ZNF750: variants seen among roughly 807,000 people sequenced by gnomAD.
ZNF750 encodes the protein zinc finger protein 750, also known as protein ZNF750.
In ZNF750, 10 loss-of-function variants were observed where a neutral mutation model predicts 31.6. That is an observed-to-expected ratio of 0.32 (90% CI 0.19 to 0.54). The LOEUF is 0.54. Among genes scored for constraint, ZNF750 ranks in the 20% least tolerant of loss-of-function variants. ZNF750 has a pLI of 0.95. For missense variants in ZNF750, 914 were observed against 934.9 expected, an observed-to-expected ratio of 0.98 and a Z score of 0.29; for synonymous variants, 400 against 404.9, an observed-to-expected ratio of 0.99 and a Z score of 0.15.
chr17:82,832,260 G>C lies in ZNF750; in HGVS notation c.195C>G (p.Cys65Trp), dbSNP rs1171865578. 6.2e-7 allele frequency: 1 copy of C among 1,614,260 alleles called. No homozygotes were observed. Among genetic ancestry groups the C allele is most frequent in the Non-Finnish European group, 8.5e-7 (1 of 1,180,044 alleles). ...TGGGGTCTAGTGAGTTAGATTTAGG[G>C]CACTTGGGAACTCGATCCTGCTCTG... ...LVSEQDRVPK[C>W]PKSNSLDPKQ... is the part of the protein sequence containing the mutation. Residue 65 changes from cysteine (C) to tryptophan (W), a missense_variant, in exon 2 of 3, where the codon TGC becomes TGG. Cys to Trp is a radical substitution (Grantham distance 215). Around this residue, in one of 2 missense-constraint regions of ZNF750, gnomAD observed 880 missense variants for 868.9 expected, o/e 1.01. Transcript: ENST00000269394. The surrounding 1 kb of genome is among the most constrained non-coding windows in gnomAD (Gnocchi z 4.9).
rs2053686660 is a variant in ZNF750, at chr17:82,833,390, G to C, written c.-182-754C>G. On this transcript the variant is annotated intron_variant, in intron 1 of 2. Coordinates refer to ENST00000269394, the MANE Select transcript of ZNF750 (RefSeq NM_024702.3). This position sits in a 1 kb window ranked among gnomAD's most constrained non-coding sequence, Gnocchi z 4.7. ...GTCGTTGGTGTATTCTAGTGTGCTT[G>C]TTTAAAAATGAAGAACATTCGAACA... Among the ~76,000 whole-genome samples the C allele has an allele frequency of 6.6e-6, 1 of 152,152 alleles. No homozygotes were observed. The highest frequency in any genetic ancestry group is 1.5e-5 in the Non-Finnish European group (1 of 68,024).
chr17:82,836,170 C>T (rs1434951769), intron 1 of ZNF750, among the ~76,000 whole-genome samples: 2 of 152,254 alleles, frequency 1.3e-5, no homozygotes, highest in East Asian at 3.8e-4. Flanking sequence ...GTGATGAAAG[C>T]AGTTTCCCTG....
chr17:82,837,106 G>T (rs1020018780), intron 1 of ZNF750, among the ~76,000 whole-genome samples: 3 of 152,226 alleles, frequency 2.0e-5, no homozygotes, highest in African/African-American at 7.2e-5. Flanking sequence ...TAGGTCACCT[G>T]ATCTGTAAAA....
chr17:82,829,716 G>A lies in ZNF750; in HGVS notation c.*426C>T, dbSNP rs2053303336. 5.6e-6 allele frequency: 1 copy of A among 178,052 alleles called. No homozygotes were observed. Among genetic ancestry groups the A allele is most frequent in the Admixed American group, 5.4e-5 (1 of 18,444 alleles). 11.0% of individuals were successfully genotyped at this position (178,052 alleles called of 1,614,324 possible). A position where few individuals can be genotyped will look rare whatever the true frequency, so the allele number is the denominator to read the frequency against. ...ATCACATTTTTCTTTTTTACATATG[G>A]CACTTTAATGTTAGTACTGAAAATG... On this transcript the variant is annotated 3_prime_UTR_variant, in exon 3 of 3. Transcript: ENST00000269394.
In ZNF750 at chr17:82,832,061, G is replaced by C; in HGVS notation, c.394C>G (p.Leu132Val). 1.2e-6 allele frequency: 2 copies of C among 1,613,984 alleles called. No homozygotes were observed. The highest frequency in any genetic ancestry group is 1.7e-6 in the Non-Finnish European group (2 of 1,179,858). The stretch of plus-strand genomic sequence containing the variant: ...CTCTTGCAGGGTGATGCCCTGTGGA[G>C]GGCTGGCTTCTGTCCCAGGCACCTG... ...THRCLGQKPALHRASPCKSPA... is the reference protein window; with the variant it reads ...THRCLGQKPAVHRASPCKSPA... Residue 132 changes from leucine to valine, a missense_variant, in exon 2 of 3, where the codon CTC becomes GTC. Transcript: ENST00000269394. This position sits in a 1 kb window ranked among gnomAD's most constrained non-coding sequence, Gnocchi z 4.9.
At position 82,832,236 on chromosome 17, in the gene ZNF750, G is replaced by C; in HGVS notation, c.219C>G (p.Pro73=). The change falls in exon 2 of 3, where the codon CCC becomes CCG. Residue 73 remains proline (P), a synonymous_variant. Coordinates refer to ENST00000269394, the MANE Select transcript of ZNF750 (RefSeq NM_024702.3). This position sits in a 1 kb window ranked among gnomAD's most constrained non-coding sequence, Gnocchi z 4.9. The part of the protein sequence containing the change: ...PKCPKSNSLD[P]KQTNQPDATA... ...TGGCATCGGGCTGGTTGGTTTGCTT[G>C]GGGTCTAGTGAGTTAGATTTAGGGC... The C allele has an allele frequency of 6.2e-7, 1 of 1,614,242 alleles. No individual in the cohort carries two copies. The highest frequency in any genetic ancestry group is 1.1e-5 in the South Asian group (1 of 91,082).
chr17:82,831,358 T>A lies in ZNF750; in HGVS notation c.1097A>T (p.Asn366Ile). 6.2e-7 allele frequency: 1 copy of A among 1,614,018 alleles called. No homozygotes were observed. Among genetic ancestry groups the A allele is most frequent in the Non-Finnish European group, 8.5e-7 (1 of 1,179,998 alleles). ...VYPASSPSRL[N>I]PSDPNRKHVE... ...GTGTTTTCTGTTGGGGTCCGAAGGG[T>A]TTAACCTGGAAGGACTCGAGGCTGG... Residue 366 changes from asparagine to isoleucine, a missense_variant, in exon 2 of 3, where the codon AAC becomes ATC. Around this residue, in one of 2 missense-constraint regions of ZNF750, gnomAD observed 880 missense variants for 868.9 expected, o/e 1.01. Coordinates refer to ENST00000269394, the MANE Select transcript of ZNF750 (RefSeq NM_024702.3). This position sits in a 1 kb window ranked among gnomAD's most constrained non-coding sequence, Gnocchi z 4.6.
Position 82,831,983 on chromosome 17 carries a change from G to A in ZNF750, c.472C>T (p.Arg158Trp), listed in dbSNP as rs768060518. Residue 158 changes from arginine (R) to tryptophan (W), a missense_variant, in exon 2 of 3, where the codon CGG becomes TGG. Physicochemically the swap from Arg to Trp is moderately radical, Grantham distance 101 (BLOSUM62 -3). Coordinates refer to ENST00000269394, the MANE Select transcript of ZNF750 (RefSeq NM_024702.3). This position sits in a 1 kb window ranked among gnomAD's most constrained non-coding sequence, Gnocchi z 4.6. Reference protein sequence around the residue: ...GAQPALEGAARPSAFVPVGEH... With the variant: ...GAQPALEGAAWPSAFVPVGEH... ...CCGACTGGAACAAATGCAGAAGGCC[G>A]AGCTGCGCCTTCCAGAGCAGGCTGG... 1.6e-5 allele frequency: 26 copies of A among 1,613,312 alleles called. No individual in the cohort carries two copies. The highest frequency in any genetic ancestry group is 1.9e-5 in the Non-Finnish European group (22 of 1,179,400).
chr17:82,834,209 A>G (rs1462716287), intron 1 of ZNF750, among the ~76,000 whole-genome samples: 1 of 152,060 alleles, frequency 6.6e-6, no homozygotes, highest in Non-Finnish European at 1.5e-5. Flanking sequence ...TAGCCTCCCA[A>G]AGTGCTGGGA....
At chr17:82,834,890 A>T (rs577181247) in intron 1 of ZNF750, among the ~76,000 whole-genome samples, 1 of 152,156 alleles carries the variant, frequency 6.6e-6, no homozygotes, top group South Asian at 2.1e-4. Flanking sequence ...TAAAAAAAAA[A>T]TACATTAAAG....
rs746485705 is a variant in ZNF750, at chr17:82,830,447, C to T, written c.1867G>A (p.Ala623Thr). The T allele has an allele frequency of 1.2e-6, 2 of 1,612,386 alleles. No homozygotes were observed. The highest frequency in any genetic ancestry group is 2.2e-5 in the East Asian group (1 of 44,880). Residue 623 changes from alanine (A) to threonine (T), a missense_variant, in exon 3 of 3, where the codon GCG becomes ACG. Physicochemically the swap from Ala to Thr is moderately conservative, Grantham distance 58 (BLOSUM62 0). Around this residue, in one of 2 missense-constraint regions of ZNF750, gnomAD observed 880 missense variants for 868.9 expected, o/e 1.01. Transcript: ENST00000269394. ...TTCTGCTCCTCGCTGCTGTCCACCG[C>T]GCATGCGTCTGGAGCCTCCTCGCCG... ...GPGEEAPDAC[A>T]VDSSEEQKQT...
At position 82,830,324 on chromosome 17, in the gene ZNF750, G is replaced by C. The variant is rs144194892; in HGVS notation, c.1990C>G (p.Arg664Gly). 62 of 1,614,088 alleles carry C rather than the reference G, an allele frequency of 3.8e-5. No individual in the cohort carries two copies. In the African/African-American group the frequency reaches 7.5e-4, roughly 19 times the overall value. ...GDAAAPEPACRQDTPTLSSME... is the reference protein window; with the variant it reads ...GDAAAPEPACGQDTPTLSSME... ...GAGCTCAGTGTGGGTGTGTCTTGCCGGCAGGCAGGTTCCGGGGCCGCAGCA... is the reference window on the plus strand; with the variant it reads ...GAGCTCAGTGTGGGTGTGTCTTGCCCGCAGGCAGGTTCCGGGGCCGCAGCA... The change falls in exon 3 of 3, where the codon CGG (arginine) becomes GGG (glycine). Residue 664 changes from arginine (R) to glycine (G), a missense_variant. Around this residue, in one of 2 missense-constraint regions of ZNF750, gnomAD observed 880 missense variants for 868.9 expected, o/e 1.01. Coordinates refer to ENST00000269394, the MANE Select transcript of ZNF750 (RefSeq NM_024702.3).
At position 82,832,062 on chromosome 17, in the gene ZNF750, G is replaced by A. The variant is rs1164641862; in HGVS notation, c.393C>T (p.Ala131=). 1 of 1,613,902 alleles carries A rather than the reference G, an allele frequency of 6.2e-7. No individual in the cohort carries two copies. Among genetic ancestry groups the A allele is most frequent in the African/African-American group, 1.3e-5 (1 of 74,926 alleles). The change falls in exon 2 of 3, where the codon GCC becomes GCT. Residue 131 remains alanine, a synonymous_variant. Transcript: ENST00000269394. This position sits in a 1 kb window ranked among gnomAD's most constrained non-coding sequence, Gnocchi z 4.9. ...GTHRCLGQKP[A]LHRASPCKSP... ...TCTTGCAGGGTGATGCCCTGTGGAG[G>A]GCTGGCTTCTGTCCCAGGCACCTGT...
Position 82,838,506 on chromosome 17 carries a change from C to T in ZNF750, c.-183+1421G>A, listed in dbSNP as rs559047521. ...CCAGCTGTCTGGCAAGGAGCCTGCT[C>T]GGCTGGAGCATTGTGAAGGGCATGC... On this transcript the variant is annotated intron_variant, in intron 1 of 2. Coordinates refer to ENST00000269394, the MANE Select transcript of ZNF750 (RefSeq NM_024702.3). The T allele has an allele frequency of 5.7e-5, 21 of 369,890 alleles. No individual in the cohort carries two copies. In the South Asian group the frequency reaches 1.3e-3, roughly 23 times the overall value. The allele number at this position is 369,890 out of a possible 1,614,324, so 22.9% of individuals were successfully genotyped here. A position where few individuals can be genotyped will look rare whatever the true frequency, so the allele number is the denominator to read the frequency against.
rs202045981 is a variant in ZNF750, at chr17:82,830,443, A to C, written c.1871T>G (p.Val624Gly). The stretch of plus-strand genomic sequence containing the variant: ...CTGCTTCTGCTCCTCGCTGCTGTCC[A>C]CCGCGCATGCGTCTGGAGCCTCCTC... ...PGEEAPDACA[V>G]DSSEEQKQTA... Residue 624 changes from valine (V) to glycine (G), a missense_variant, in exon 3 of 3, where the codon GTG becomes GGG. Coordinates refer to ENST00000269394, the MANE Select transcript of ZNF750 (RefSeq NM_024702.3). The C allele has an allele frequency of 3.1e-6, 5 of 1,612,038 alleles. No homozygotes were observed. In the Admixed American group the frequency reaches 5.0e-5, roughly 16 times the overall value.
rs182094871 is a variant in ZNF750 at position 82,831,612 on chromosome 17, C to T, written c.843G>A (p.Pro281=). The T allele has an allele frequency of 5.5e-5, 88 of 1,614,108 alleles. No homozygotes were observed. Among genetic ancestry groups the T allele is most frequent in the African/African-American group, 2.7e-4 (20 of 75,006 alleles). ...PLLSVYGTQD[P]RHFLPHPGPI... ...GCCCCGGGTGAGGCAGGAAGTGTCT[C>T]GGGTCTTGGGTTCCGTAGACTGACA... The change falls in exon 2 of 3, where the codon CCG becomes CCA. Residue 281 remains proline (P), a synonymous_variant. Transcript: ENST00000269394. The surrounding 1 kb of genome is among the most constrained non-coding windows in gnomAD (Gnocchi z 4.6).
chr17:82,834,891 T>A (rs941442264), intron 1 of ZNF750, among the ~76,000 whole-genome samples: 2 of 151,250 alleles, frequency 1.3e-5, no homozygotes, highest in African/African-American at 4.9e-5. Flanking sequence ...AAAAAAAAAA[T>A]ACATTAAAGT....
chr17:82,830,416 G>C lies in ZNF750; in HGVS notation c.1898C>G (p.Thr633Arg), dbSNP rs746376234. Reference protein sequence around the residue: ...AVDSSEEQKQTAAVALCQLAA... With the variant: ...AVDSSEEQKQRAAVALCQLAA... ...CAGCTGGCACAGGGCCACGGCTGCC[G>C]TCTGCTTCTGCTCCTCGCTGCTGTC... is the stretch of plus-strand genomic sequence containing the variant. The change falls in exon 3 of 3, where the codon ACG becomes AGG. Residue 633 changes from threonine (T) to arginine (R), a missense_variant. Transcript: ENST00000269394. 5 of 1,611,578 alleles carry C rather than the reference G, an allele frequency of 3.1e-6. No individual in the cohort carries two copies. The highest frequency in any genetic ancestry group is 2.2e-5 in the East Asian group (1 of 44,900).
At chr17:82,836,657 G>A (rs1451822603) in intron 1 of ZNF750, among the ~76,000 whole-genome samples, 1 of 150,692 alleles carries the variant, frequency 6.6e-6, no homozygotes, top group East Asian at 1.9e-4. Context: ...TTTCGAAGCA[G>A]CATTATTTCA....
Sources: allele counts gnomAD v4.1 joint callset (sites outside exome capture counted in the v4.1 genomes callset), GRCh38; gene constraint gnomAD v4.1.1; regional missense constraint gnomAD v4.1.1; non-coding constraint Gnocchi (gnomAD v3.1); transcripts MANE v1.5; gene names NCBI Gene and HGNC (gene_info 2026-07-23, HGNC 2026-07-21).